The following ADGRL3 variants were observed in gnomAD, a reference collection of about 807,000 sequenced individuals.
ADGRL3 encodes calcium-independent alpha-latrotoxin receptor 3.
In ADGRL3, 62 loss-of-function variants were observed where a neutral mutation model predicts 153.5. The ratio of observed to expected loss-of-function variants is 0.40; its 90% CI spans 0.33 to 0.50. The LOEUF is 0.50. Ranked by LOEUF, ADGRL3 falls within the 20% of genes least tolerant of loss-of-function variation. The pLI, the probability that ADGRL3 is intolerant of heterozygous loss-of-function variation, is 0.47. For synonymous variants in ADGRL3, 710 were observed against 672.5 expected (o/e 1.06, Z -0.86); for missense variants, 1,641 against 1,859.4 (o/e 0.88, Z 2.16).
At chr4:61,400,268 G>C (rs138444077) in intron 2 of ADGRL3, among the ~76,000 whole-genome samples, 46 of 151,842 alleles carry the variant, frequency 3.0e-4, no homozygotes, top group Non-Finnish European at 2.4e-4. Context: ...CAGTGGATTT[G>C]AGGAATTAAA....
chr4:61,460,871 C>A (rs989520477), intron 2 of ADGRL3, among the ~76,000 whole-genome samples: 3 of 152,048 alleles, frequency 2.0e-5, no homozygotes, highest in African/African-American at 4.8e-5. Flanking sequence ...AAGTTCAAGA[C>A]CAGCCTGGCC....
chr4:61,810,920 T>A (rs1320958943), intron 8 of ADGRL3, among the ~76,000 whole-genome samples: 1 of 152,170 alleles, frequency 6.6e-6, no homozygotes, highest in East Asian at 1.9e-4. Context: ...GTCATCATAA[T>A]ATTAATCATT....
intron 1 of ADGRL3, among the ~76,000 whole-genome samples, chr4:61,291,603 T>TATAC (rs1400945417): frequency 9.4e-5 from 1 of 10,590 alleles, no homozygotes; most frequent in African/African-American, 2.1e-4. Context: ...TATATATATA[T>TATAC]ACACACACAT....
chr4:61,389,755 G>T (rs1174076775), intron 2 of ADGRL3, among the ~76,000 whole-genome samples: 1 of 152,080 alleles, frequency 6.6e-6, no homozygotes, highest in Admixed American at 6.6e-5. Context: ...TTCCTCTCTT[G>T]GAGATATCGT....
chr4:61,342,968 A>T lies in ADGRL3; in HGVS notation c.-239-40156A>T, dbSNP rs536905953. 2.0e-5 allele frequency among the ~76,000 whole-genome samples: 3 copies of T among 152,316 alleles called. No homozygotes were observed. The East Asian group carries it at 5.8e-4, about 29-fold the overall frequency. On this transcript the variant is annotated intron_variant, in intron 1 of 26. Transcript: ENST00000683033. The stretch of plus-strand genomic sequence containing the variant: ...CAATCATGGTGGAAGACAAAGGAAG[A>T]GCAAGGGGATGTCTCACATGGCAGC...
intron 9 of ADGRL3, among the ~76,000 whole-genome samples, chr4:61,850,367 C>A (rs2098187459): frequency 6.6e-6 from 1 of 152,142 alleles, no homozygotes. Flanking sequence ...TAACTAGCTT[C>A]TTGCTCTAAT....
intron 8 of ADGRL3, among the ~76,000 whole-genome samples, chr4:61,757,389 T>C (rs2096848521): frequency 6.6e-6 from 1 of 152,202 alleles, no homozygotes; most frequent in Non-Finnish European, 1.5e-5. Context: ...TTCTTCTAGA[T>C]TTTCTAGTTT....
At chr4:62,022,995 C>T (rs570424031) in intron 21 of ADGRL3, among the ~76,000 whole-genome samples, 2 of 150,388 alleles carry the variant, frequency 1.3e-5, no homozygotes, top group African/African-American at 4.9e-5. Flanking sequence ...CTATAGTTGC[C>T]ATAGATAGTG....
chr4:61,965,705 C>T (rs1282428203), intron 17 of ADGRL3, among the ~76,000 whole-genome samples: 1 of 151,924 alleles, frequency 6.6e-6, no homozygotes, highest in African/African-American at 2.4e-5. Context: ...GAGCTGAGAT[C>T]ATGCCACTGC....
intron 2 of ADGRL3, among the ~76,000 whole-genome samples, chr4:61,406,097 ACTGT>A (rs2096991937): frequency 2.0e-5 from 3 of 151,940 alleles, no homozygotes; most frequent in African/African-American, 7.2e-5. Context: ...CTATATATCT[ACTGT>A]CTGTGTATGC....
At chr4:61,739,921 ATTG>A (rs893672702) in intron 8 of ADGRL3, among the ~76,000 whole-genome samples, 1 of 152,212 alleles carries the variant, frequency 6.6e-6, no homozygotes, top group African/African-American at 2.4e-5. Flanking sequence ...AAGAACATAA[ATTG>A]TTTAGTTGAC....
chr4:61,460,717 A>G (rs1215242818), intron 2 of ADGRL3, among the ~76,000 whole-genome samples: 1 of 152,160 alleles, frequency 6.6e-6, no homozygotes, highest in Admixed American at 6.5e-5. Context: ...GGAGAAAGGC[A>G]TATCTTTCAT....
At chr4:61,390,038 G>GTTA (rs953512224) in intron 2 of ADGRL3, among the ~76,000 whole-genome samples, 1 of 151,852 alleles carries the variant, frequency 6.6e-6, no homozygotes, top group Non-Finnish European at 1.5e-5. Context: ...TTTTACAAAG[G>GTTA]TTATAACCAA....
intron 4 of ADGRL3, among the ~76,000 whole-genome samples, chr4:61,583,475 G>C (rs774684261): frequency 6.6e-6 from 1 of 152,052 alleles, no homozygotes; most frequent in Non-Finnish European, 1.5e-5. Flanking sequence ...GTAAAGAATA[G>C]GATTAATTTC....
chr4:61,389,591 T>G (rs981714183), intron 2 of ADGRL3, among the ~76,000 whole-genome samples: 1 of 150,574 alleles, frequency 6.6e-6, no homozygotes, highest in Non-Finnish European at 1.5e-5. Context: ...TTTTACCCCT[T>G]TTTTTTATAG....
intron 8 of ADGRL3, among the ~76,000 whole-genome samples, chr4:61,800,439 T>C (rs1416775890): frequency 6.6e-6 from 1 of 152,180 alleles, no homozygotes; most frequent in African/African-American, 2.4e-5. Flanking sequence ...CTAATGATTT[T>C]CATAAGTCTA....
At chr4:61,834,467 A>AT (rs1372914526) in intron 9 of ADGRL3, among the ~76,000 whole-genome samples, 5 of 152,208 alleles carry the variant, frequency 3.3e-5, no homozygotes, top group Non-Finnish European at 5.9e-5. Flanking sequence ...TCCTTTGGGT[A>AT]TACACCCAGT....
chr4:61,743,754 G>A (rs903454370), intron 8 of ADGRL3, among the ~76,000 whole-genome samples: 1 of 152,206 alleles, frequency 6.6e-6, no homozygotes, highest in Non-Finnish European at 1.5e-5. Context: ...AATAGGAACA[G>A]CTCCGCTCTA....
At chr4:61,647,763 TA>T (rs1453670054) in intron 5 of ADGRL3, among the ~76,000 whole-genome samples, 6 of 151,244 alleles carry the variant, frequency 4.0e-5, no homozygotes, top group African/African-American at 1.5e-4. Flanking sequence ...TGTATAGGAG[TA>T]AAAAATTGTA....
Sources: allele counts gnomAD v4.1 joint callset (sites outside exome capture counted in the v4.1 genomes callset), GRCh38; gene constraint gnomAD v4.1.1; transcripts MANE v1.5; gene names NCBI Gene and HGNC (gene_info 2026-07-23, HGNC 2026-07-21).